Variants in PLBD2 observed in about 807,000 individuals in gnomAD.
PLBD2 encodes the protein putative aminopeptidase PLBD2.
A neutral mutation model predicts 68.3 loss-of-function variants in PLBD2; 51 were observed. The ratio of observed to expected loss-of-function variants is 0.75; its 90% CI spans 0.60 to 0.94. The LOEUF is 0.94. PLBD2 is among the 40% of genes least tolerant of loss of function. The pLI is 0.00. For synonymous variants in PLBD2, 314 were observed against 339.3 expected (o/e 0.93, Z 0.82); for missense variants, 729 against 792.2 (o/e 0.92, Z 0.96).
rs755872735 is a variant in PLBD2 at position 113,358,627 on chromosome 12, C to A, written c.27C>A (p.Pro9=). Residue 9 remains proline (P), a synonymous_variant, in exon 1 of 12, where the codon CCC becomes CCA. Transcript: ENST00000280800. The stretch of plus-strand genomic sequence containing the variant: ...TGGTGGGCCAGATGTACTGCTACCC[C>A]GGCAGCCACCTGGCCCGGGCGCTGA... MVGQMYCY[P]GSHLARALTR... is the part of the protein sequence containing the mutation. 2.0e-6 allele frequency: 3 copies of A among 1,467,558 alleles called. No individual in the cohort carries two copies. Among genetic ancestry groups the A allele is most frequent in the East Asian group, 6.0e-5 (2 of 33,138 alleles). 90.9% of individuals were successfully genotyped at this position (1,467,558 alleles called of 1,614,324 possible).
At chr12:113,360,290 T>C (rs974590949) in intron 1 of PLBD2, among the ~76,000 whole-genome samples, 5 of 152,100 alleles carry the variant, frequency 3.3e-5, no homozygotes, top group African/African-American at 1.2e-4. Context: ...CTGCCGGGAC[T>C]CTTGGATCTG....
intron 1 of PLBD2, among the ~76,000 whole-genome samples, chr12:113,367,846 C>T (rs1291561134): frequency 6.6e-6 from 1 of 151,628 alleles, no homozygotes; most frequent in Admixed American, 6.6e-5. Flanking sequence ...CTTTGGGAGG[C>T]TGAGGTGGGC....
chr12:113,372,527 T>C lies in PLBD2; in HGVS notation c.385-122T>C. The C allele has an allele frequency of 3.8e-6, 4 of 1,052,330 alleles. No individual in the cohort carries two copies. The highest frequency in any genetic ancestry group is 5.6e-6 in the Non-Finnish European group (4 of 719,644). 65.2% of individuals were successfully genotyped at this position (1,052,330 alleles called of 1,614,324 possible). ...AGGAGCCTCCAGGGAGAGGACAGCA[T>C]GAGCAAGGACTCAGGTGGCCACACC... On this transcript the variant is annotated intron_variant, in intron 2 of 11. Coordinates refer to ENST00000280800, the MANE Select transcript of PLBD2 (RefSeq NM_173542.4). This position sits in a 1 kb window ranked among gnomAD's most constrained non-coding sequence, Gnocchi z 4.2.
intron 1 of PLBD2, among the ~76,000 whole-genome samples, chr12:113,365,265 C>T (rs962231543): frequency 2.0e-5 from 3 of 152,138 alleles, no homozygotes; most frequent in Admixed American, 6.6e-5. Flanking sequence ...GTGGGAGCCT[C>T]GGTTCCCCAC....
chr12:113,369,042 T>G, intron 1 of PLBD2, 74 bp from the exon 2 acceptor site: 1 of 1,018,448 alleles, frequency 9.8e-7, no homozygotes, highest in Non-Finnish European at 1.5e-6. Flanking sequence ...GTTTTCATAG[T>G]TTAAGCCTGG....
Position 113,387,000 on chromosome 12 carries a change from G to T in PLBD2, c.1350G>T (p.Trp450Cys). Residue 450 changes from tryptophan (W) to cysteine (C), a missense_variant, in exon 10 of 12, where the codon TGG becomes TGT. Transcript: ENST00000280800. ...CCCTAGTGGCCCAGTATGGGGACTG[G>T]TTTTCTTATGACGGGAGCCCCCGGG... Reference protein sequence around the residue: ...LQALVAQYGDWFSYDGSPRAQ... With the variant: ...LQALVAQYGDCFSYDGSPRAQ... 6.2e-7 allele frequency: 1 copy of T among 1,612,744 alleles called. No homozygotes were observed.
rs1340525582 is a variant in PLBD2, at chr12:113,384,535, G to A, written c.1118+270G>A. Among the ~76,000 whole-genome samples, 1 of 152,190 alleles carries A rather than the reference G, an allele frequency of 6.6e-6. No homozygotes were observed. Among genetic ancestry groups the A allele is most frequent in the African/African-American group, 2.4e-5 (1 of 41,442 alleles). The stretch of plus-strand genomic sequence containing the variant: ...TCTCAAGGGGACAGTGGGGAGGGCT[G>A]TTTGAGGAGGTGGACGTGGGTGGGT... On this transcript the variant is annotated intron_variant, in intron 7 of 11. Transcript: ENST00000280800. The surrounding 1 kb of genome is among the most constrained non-coding windows in gnomAD (Gnocchi z 4.2).
rs150445091 is a variant in PLBD2 at position 113,384,159 on chromosome 12, C to T, written c.1012C>T (p.Arg338Trp). ...NKNPALWKYV[R>W]PRGCVLEWVR... The stretch of plus-strand genomic sequence containing the variant: ...GAACCCAGCCCTGTGGAAGTATGTG[C>T]GGCCCAGGGGCTGTGTGCTGGAGTG... The change falls in exon 7 of 12, where the codon CGG becomes TGG. Residue 338 changes from arginine (R) to tryptophan (W), a missense_variant. Physicochemically the swap from Arg to Trp is moderately radical, Grantham distance 101. Transcript: ENST00000280800. The surrounding 1 kb of genome is among the most constrained non-coding windows in gnomAD (Gnocchi z 4.2). The T allele has an allele frequency of 5.0e-5, 80 of 1,613,704 alleles. No homozygotes were observed. The African/African-American group carries it at 5.2e-4, about 11-fold the overall frequency.
chr12:113,372,578 G>T lies in PLBD2; in HGVS notation c.385-71G>T. 6.5e-7 allele frequency: 1 copy of T among 1,530,634 alleles called. No homozygotes were observed. The highest frequency in any genetic ancestry group is 8.9e-7 in the Non-Finnish European group (1 of 1,123,000). The allele number at this position is 1,530,634 out of a possible 1,614,324, so 94.8% of individuals were successfully genotyped here. A position where few individuals can be genotyped will look rare whatever the true frequency, so the allele number is the denominator to read the frequency against. The stretch of plus-strand genomic sequence containing the variant: ...AGCAGCCTCCGCTCTGGGGCAGCCT[G>T]GGTGGGGGGCTCTCAGGGAAGAGAG... On this transcript the variant is annotated intron_variant, in intron 2 of 11. Coordinates refer to ENST00000280800, the MANE Select transcript of PLBD2 (RefSeq NM_173542.4). This position sits in a 1 kb window ranked among gnomAD's most constrained non-coding sequence, Gnocchi z 4.2.
chr12:113,365,319 G>A (rs536980086), intron 1 of PLBD2, among the ~76,000 whole-genome samples: 29 of 151,936 alleles, frequency 1.9e-4, no homozygotes, highest in Middle Eastern at 6.8e-3. Flanking sequence ...TACGGTTGTT[G>A]GAAGAATTTT....
intron 1 of PLBD2, among the ~76,000 whole-genome samples, chr12:113,362,657 A>G (rs1438762301): frequency 1.3e-5 from 2 of 151,998 alleles, no homozygotes; most frequent in Non-Finnish European, 2.9e-5. Flanking sequence ...TTTGTCAAGC[A>G]AGTGCATTAA....
Position 113,358,723 on chromosome 12 carries a change from G to T in PLBD2, c.123G>T (p.Ala41=), listed in dbSNP as rs369594774. 5.8e-4 allele frequency: 810 copies of T among 1,391,788 alleles called. 12 individuals are homozygous for T. In the African/African-American group the frequency reaches 0.011, roughly 19 times the overall value. The allele number at this position is 1,391,788 out of a possible 1,614,324, so 86.2% of individuals were successfully genotyped here. Residue 41 remains alanine (A), a synonymous_variant, in exon 1 of 12, where the codon GCG becomes GCT. Coordinates refer to ENST00000280800, the MANE Select transcript of PLBD2 (RefSeq NM_173542.4). ...VGPFLSGLAG[A]IPAPGGRWAR... ...CGTTCCTGAGCGGCCTGGCGGGGGC[G>T]ATCCCAGCGCCGGGGGGCCGCTGGG...
At chr12:113,368,452 G>C (rs915031421) in intron 1 of PLBD2, among the ~76,000 whole-genome samples, 4 of 152,168 alleles carry the variant, frequency 2.6e-5, no homozygotes, top group African/African-American at 7.2e-5. Flanking sequence ...GCCGGGGCTT[G>C]TTCTTCCCAT....
At chr12:113,377,350 T>C (rs1334411137) in intron 5 of PLBD2, among the ~76,000 whole-genome samples, 8 of 152,148 alleles carry the variant, frequency 5.3e-5, no homozygotes, top group African/African-American at 1.9e-4. Context: ...TCCCAGCCCC[T>C]AGAAGCTTCC....
At chr12:113,373,035 A>G (rs933761207) in intron 3 of PLBD2, among the ~76,000 whole-genome samples, 3 of 151,864 alleles carry the variant, frequency 2.0e-5, no homozygotes, top group African/African-American at 4.9e-5. Flanking sequence ...CAGTTAAATA[A>G]TGACCAAAAA....
chr12:113,376,384 G>A (rs910260310), intron 5 of PLBD2, among the ~76,000 whole-genome samples: 1 of 151,588 alleles, frequency 6.6e-6, no homozygotes, highest in Non-Finnish European at 1.5e-5. Context: ...GGCTGGTCTT[G>A]AACTCCTGAC....
At chr12:113,379,307 CAAAAAAAAAAAAAAA>C (rs759130410) in intron 5 of PLBD2, among the ~76,000 whole-genome samples, 1 of 46,480 alleles carries the variant, frequency 2.2e-5, no homozygotes, top group Non-Finnish European at 4.7e-5. Context: ...GACTCTGTCT[CAAAAAAAAAAAAAAA>C]AAAAAAAAGA....
At chr12:113,377,230 C>T (rs1189735688) in intron 5 of PLBD2, 1 of 152,158 alleles carries the variant, frequency 6.6e-6, no homozygotes, top group African/African-American at 2.4e-5. Context: ...TTTAAGTAAA[C>T]TCTAAATTGA....
At chr12:113,364,446 CT>C (rs1368728457) in intron 1 of PLBD2, among the ~76,000 whole-genome samples, 1 of 151,898 alleles carries the variant, frequency 6.6e-6, no homozygotes, top group African/African-American at 2.4e-5. Context: ...GCCGGGTCTC[CT>C]CAAACTCCTA....
Sources: gnomAD v4.1 joint callset for allele counts (sites outside exome capture counted in the v4.1 genomes callset) on GRCh38, gnomAD v4.1.1 for gene constraint, Gnocchi (gnomAD v3.1) non-coding constraint, MANE v1.5 for transcripts, NCBI Gene and HGNC (gene_info 2026-07-23, HGNC 2026-07-21) for gene names.